OR4N2: variants seen among roughly 807,000 people sequenced by gnomAD.
The protein encoded by OR4N2 is olfactory receptor family 4 subfamily N member 2.
For synonymous variants in OR4N2, 141 were observed against 140.4 expected, an observed-to-expected ratio of 1.00 and a Z score of -0.03; for missense variants, 307 against 377.6, an observed-to-expected ratio of 0.81 and a Z score of 1.55.
rs564627215 is a variant in OR4N2, at chr14:19,822,641, C to T, written c.-9-4799C>T. Among the ~76,000 whole-genome samples, 312 of 152,338 alleles carry T rather than the reference C, an allele frequency of 2.0e-3. 3 individuals carry two copies. Among genetic ancestry groups the T allele is most frequent in the Non-Finnish European group, 4.3e-4 (29 of 68,032 alleles). ...CAGATTTATGCAACTACCATTATCC[C>T]AGGGGTTACTCAAAGACATTGACAA... is the stretch of plus-strand genomic sequence containing the variant. On this transcript the variant is annotated intron_variant, in intron 1 of 1. Transcript: ENST00000557677.
intron 1 of OR4N2, among the ~76,000 whole-genome samples, chr14:19,818,502 A>G (rs1489301908): frequency 6.6e-6 from 1 of 152,084 alleles, no homozygotes; most frequent in Non-Finnish European, 1.5e-5. Context: ...TAGGATTGCA[A>G]CCGCTGCTTT....
chr14:19,805,913 C>T (rs1220532318), intron 1 of OR4N2, among the ~76,000 whole-genome samples: 4 of 152,090 alleles, frequency 2.6e-5, no homozygotes, highest in African/African-American at 9.7e-5. Flanking sequence ...AAATTGGGGG[C>T]CTATTTTTAG....
chr14:19,818,875 G>A (rs1879492951), intron 1 of OR4N2, among the ~76,000 whole-genome samples: 1 of 152,224 alleles, frequency 6.6e-6, no homozygotes, highest in Admixed American at 6.5e-5. Flanking sequence ...AGGCAGGCCT[G>A]GTGGTGACAA....
Position 19,828,145 on chromosome 14 carries a change from A to G in OR4N2, c.697A>G (p.Lys233Glu). Residue 233 changes from lysine (K) to glutamate (E), a missense_variant, in exon 2 of 2, where the codon AAA becomes GAA. Lys to Glu is a moderately conservative substitution (Grantham distance 56, BLOSUM62 1). Coordinates refer to ENST00000557677, the MANE Select transcript of OR4N2 (RefSeq NM_001004723.3). ...CRIRGSSSEAKNKAMSTCITH... is the reference protein window; with the variant it reads ...CRIRGSSSEAENKAMSTCITH... Reference sequence around the variant, plus strand: ...CATACGAGGGTCTTCTTCTGAGGCAAAAAACAAGGCCATGTCCACGTGCAT... The same window carrying G: ...CATACGAGGGTCTTCTTCTGAGGCAGAAAACAAGGCCATGTCCACGTGCAT... The G allele has an allele frequency of 1.2e-6, 2 of 1,614,244 alleles. No individual in the cohort carries two copies. The highest frequency in any genetic ancestry group is 1.7e-6 in the Non-Finnish European group (2 of 1,180,028).
intron 1 of OR4N2, among the ~76,000 whole-genome samples, chr14:19,821,034 G>T (rs1449846041): frequency 6.6e-6 from 1 of 152,254 alleles, no homozygotes; most frequent in East Asian, 1.9e-4. Flanking sequence ...CTAGTTTTGT[G>T]CTTGAAACCC....
intron 1 of OR4N2, among the ~76,000 whole-genome samples, chr14:19,813,677 A>G (rs1379338852): frequency 1.3e-5 from 2 of 152,324 alleles, no homozygotes; most frequent in South Asian, 2.1e-4. Flanking sequence ...CCAGAGATGT[A>G]TAGAAATTCT....
rs953911160 is a variant in OR4N2, at chr14:19,817,333, G to A, written c.-9-10107G>A. ...ATCTGTCTGGTCCTGGACTTTTTTTGGTTGGTAGGCTATTAATTACTGCCT... is the reference window on the plus strand; with the variant it reads ...ATCTGTCTGGTCCTGGACTTTTTTTAGTTGGTAGGCTATTAATTACTGCCT... On this transcript the variant is annotated intron_variant, in intron 1 of 1. Transcript: ENST00000557677. Among the ~76,000 whole-genome samples, 4 of 152,144 alleles carry A rather than the reference G, an allele frequency of 2.6e-5. No homozygotes were observed. The East Asian group carries it at 5.8e-4, about 22-fold the overall frequency.
In OR4N2 at chr14:19,828,242, T is replaced by C; in HGVS notation, c.794T>C (p.Phe265Ser). 1 of 1,614,282 alleles carries C rather than the reference T, an allele frequency of 6.2e-7. No individual in the cohort carries two copies. The change falls in exon 2 of 2, where the codon TTC (phenylalanine) becomes TCC (serine). Residue 265 changes from phenylalanine to serine, a missense_variant. Transcript: ENST00000557677. ...ATCTACACGCGCCCCTTCAGGGCTT[T>C]CCCAGCTGACAAGGTGGTTTCTCTC... ...IFIYTRPFRA[F>S]PADKVVSLFH...
At chr14:19,813,398 T>A (rs142991251) in intron 1 of OR4N2, among the ~76,000 whole-genome samples, 1,906 of 152,032 alleles carry the variant, frequency 0.013, 2 homozygotes, top group African/African-American at 0.042. Context: ...AAGAAGAATT[T>A]ACCAACAACT....
At chr14:19,821,049 C>A (rs1268017971) in intron 1 of OR4N2, among the ~76,000 whole-genome samples, 1 of 152,266 alleles carries the variant, frequency 6.6e-6, no homozygotes, top group Non-Finnish European at 1.5e-5. Context: ...AAACCCAAGG[C>A]CCTGGTGGTG....
At chr14:19,809,745 T>C (rs1201876108) in intron 1 of OR4N2, among the ~76,000 whole-genome samples, 1 of 152,142 alleles carries the variant, frequency 6.6e-6, no homozygotes, top group East Asian at 1.9e-4. Flanking sequence ...AAACAAGCAA[T>C]AGGGAAAGGA....
rs773037904 is a variant in OR4N2, at chr14:19,828,248, C to G, written c.800C>G (p.Ala267Gly). ...ACGCGCCCCTTCAGGGCTTTCCCAG[C>G]TGACAAGGTGGTTTCTCTCTTCCAC... Reference protein sequence around the residue: ...IYTRPFRAFPADKVVSLFHTV... With the variant: ...IYTRPFRAFPGDKVVSLFHTV... Residue 267 changes from alanine to glycine, a missense_variant, in exon 2 of 2, where the codon GCT (alanine) becomes GGT (glycine). Coordinates refer to ENST00000557677, the MANE Select transcript of OR4N2 (RefSeq NM_001004723.3). 2.5e-6 allele frequency: 4 copies of G among 1,614,264 alleles called. No individual in the cohort carries two copies.
intron 1 of OR4N2, among the ~76,000 whole-genome samples, chr14:19,825,215 A>ATGTGT (rs1879661750): frequency 2.6e-5 from 4 of 152,250 alleles, no homozygotes; most frequent in Non-Finnish European, 5.9e-5. Context: ...TCTAAGTATG[A>ATGTGT]CTTTCATAAA....
At chr14:19,805,530 G>A (rs1405672155) in intron 1 of OR4N2, among the ~76,000 whole-genome samples, 3 of 152,156 alleles carry the variant, frequency 2.0e-5, no homozygotes, top group Non-Finnish European at 1.5e-5. Context: ...TTAACACTGT[G>A]AGACAAAAAT....
chr14:19,814,262 G>A (rs1179455216), intron 1 of OR4N2, among the ~76,000 whole-genome samples: 1 of 152,220 alleles, frequency 6.6e-6, no homozygotes, highest in African/African-American at 2.4e-5. Context: ...TGAGCAGAGT[G>A]AAAGTGAACA....
chr14:19,822,994 A>T (rs1360460861), intron 1 of OR4N2, among the ~76,000 whole-genome samples: 1 of 152,240 alleles, frequency 6.6e-6, no homozygotes, highest in Non-Finnish European at 1.5e-5. Flanking sequence ...TGGCATTCAA[A>T]TGGAATTTAG....
At chr14:19,815,970 G>T (rs1429559081) in intron 1 of OR4N2, among the ~76,000 whole-genome samples, 1 of 152,186 alleles carries the variant, frequency 6.6e-6, no homozygotes, top group African/African-American at 2.4e-5. Context: ...TTTTCCCATT[G>T]CTTGCTTTTG....
intron 1 of OR4N2, among the ~76,000 whole-genome samples, chr14:19,809,528 A>G (rs1043646299): frequency 9.2e-5 from 14 of 152,230 alleles, no homozygotes; most frequent in African/African-American, 2.7e-4. Flanking sequence ...AATCCACTTA[A>G]AAATGGGCAA....
intron 1 of OR4N2, among the ~76,000 whole-genome samples, chr14:19,817,009 G>A (rs1215400550): frequency 1.3e-5 from 2 of 152,228 alleles, no homozygotes; most frequent in African/African-American, 4.8e-5. Context: ...GATTGGGTAT[G>A]TTGAACCAGC....
Sources: allele counts gnomAD v4.1 joint callset (sites outside exome capture counted in the v4.1 genomes callset), GRCh38; gene constraint gnomAD v4.1.1; transcripts MANE v1.5; gene names NCBI Gene and HGNC (gene_info 2026-07-23, HGNC 2026-07-21).